Variants in ATP10B observed in about 807,000 individuals in gnomAD.
ATP10B encodes phospholipid-transporting ATPase VB.
Under a neutral mutation model 141.2 loss-of-function variants are expected in ATP10B, and 122 were observed. That is an observed-to-expected ratio of 0.86 (90% CI 0.75 to 1.00). The LOEUF (loss-of-function observed/expected upper bound fraction) is 1.00, where lower values mean the gene tolerates loss of function less well. ATP10B is among the 50% of genes least tolerant of loss of function. ATP10B has a pLI of 0.00. For synonymous variants in ATP10B, 685 were observed against 692.0 expected (o/e 0.99, Z 0.16); for missense variants, 1,876 against 1,825.3 (o/e 1.03, Z -0.51).
chr5:160,887,669 CCTGA>C, the ATP10B span, among the ~76,000 whole-genome samples: 1 of 152,182 alleles, frequency 6.6e-6, no homozygotes, highest in African/African-American at 2.4e-5. Flanking sequence ...ACGTTGACCT[CCTGA>C]CTATTCTTTG....
the ATP10B span, among the ~76,000 whole-genome samples, chr5:160,904,925 ACT>A: frequency 7.2e-5 from 11 of 152,184 alleles, no homozygotes; most frequent in Non-Finnish European, 1.5e-4. Flanking sequence ...ATTGAAACAA[ACT>A]CTAGCTATTT....
intron 24 of ATP10B, among the ~76,000 whole-genome samples, chr5:160,586,316 T>C (rs1291162492): frequency 2.6e-5 from 4 of 152,246 alleles, no homozygotes; most frequent in African/African-American, 9.6e-5. Context: ...CCTCATTCTT[T>C]TTTATGGCTG....
chr5:160,753,081 T>G (rs1370604759), intron 2 of ATP10B, among the ~76,000 whole-genome samples: 1 of 152,126 alleles, frequency 6.6e-6, no homozygotes, highest in Non-Finnish European at 1.5e-5. Context: ...CTGAACCCAT[T>G]AGATTTAGGA....
At position 160,785,658 on chromosome 5, in the gene ATP10B, G is replaced by T. The variant is rs1771085310; in HGVS notation, c.-430C>A. 2 of 1,285,748 alleles carry T rather than the reference G, an allele frequency of 1.6e-6. No individual in the cohort carries two copies. The highest frequency in any genetic ancestry group is 2.5e-5 in the South Asian group (2 of 80,890). 79.6% of individuals were successfully genotyped at this position (1,285,748 alleles called of 1,614,324 possible). A position where few individuals can be genotyped will look rare whatever the true frequency, so the allele number is the denominator to read the frequency against. On this transcript the variant is annotated 5_prime_UTR_variant, in exon 2 of 26. Transcript: ENST00000327245. ...ATCTTTGTGTCCATGTGTAAGAAAT[G>T]GTAGTTTCTCATCTTGGCAGTGGAG...
chr5:160,856,743 A>AT (rs763372642), upstream of ATP10B, among the ~76,000 whole-genome samples: 17 of 149,944 alleles, frequency 1.1e-4, no homozygotes, highest in East Asian at 1.9e-4. Flanking sequence ...TTACTGAGAT[A>AT]TTTTTTATCG....
chr5:160,833,961 G>T lies in ATP10B; in HGVS notation c.-576+17980C>A, dbSNP rs111693639. On this transcript the variant is annotated intron_variant, in intron 1 of 25. Transcript: ENST00000327245. Reference sequence around the variant, plus strand: ...ATAATATATGCCCTGTGGTTTCCTGGCAATTTTTCTACCATACTTGTGGGC... The same window carrying T: ...ATAATATATGCCCTGTGGTTTCCTGTCAATTTTTCTACCATACTTGTGGGC... Among the ~76,000 whole-genome samples the T allele has an allele frequency of 3.7e-3, 561 of 152,168 alleles. 2 individuals are homozygous for T. Among genetic ancestry groups the T allele is most frequent in the African/African-American group, 0.012 (494 of 41,540 alleles).
At chr5:160,806,909 C>A (rs1472433627) in intron 1 of ATP10B, among the ~76,000 whole-genome samples, 1 of 152,160 alleles carries the variant, frequency 6.6e-6, no homozygotes, top group Non-Finnish European at 1.5e-5. Flanking sequence ...TTGTCACCCT[C>A]CAGTTACTGT....
At chr5:160,822,298 A>C (rs1774169242) in intron 1 of ATP10B, among the ~76,000 whole-genome samples, 1 of 152,118 alleles carries the variant, frequency 6.6e-6, no homozygotes, top group Admixed American at 6.6e-5. Flanking sequence ...AAATGCAACT[A>C]AAAAATACAG....
rs1431429209 is a variant in ATP10B, at chr5:160,563,817, T to A, written c.*1636A>T. The stretch of plus-strand genomic sequence containing the variant: ...GACTCAATCCCCTCACTGGAAACAA[T>A]TCACATCATCATCACTTTGCCAGGT... On this transcript the variant is annotated 3_prime_UTR_variant, in exon 26 of 26. Coordinates refer to ENST00000327245, the MANE Select transcript of ATP10B (RefSeq NM_025153.3). The A allele has an allele frequency of 1.3e-5, 2 of 152,162 alleles. No individual in the cohort carries two copies. The highest frequency in any genetic ancestry group is 3.9e-4 in the East Asian group (2 of 5,194). 9.4% of individuals were successfully genotyped at this position (152,162 alleles called of 1,614,324 possible). A position where few individuals can be genotyped will look rare whatever the true frequency, so the allele number is the denominator to read the frequency against.
intron 3 of ATP10B, among the ~76,000 whole-genome samples, chr5:160,701,589 G>A (rs1441638361): frequency 1.3e-5 from 2 of 152,244 alleles, no homozygotes; most frequent in East Asian, 1.9e-4. Context: ...CTGCCTGAGA[G>A]CAGTCACTAC....
At chr5:160,719,520 T>C (rs1024433439) in intron 2 of ATP10B, among the ~76,000 whole-genome samples, 1 of 152,218 alleles carries the variant, frequency 6.6e-6, no homozygotes, top group Non-Finnish European at 1.5e-5. Flanking sequence ...GTGTCCATAG[T>C]AGTGCTTGCT....
chr5:160,765,651 AG>A (rs1299212354), intron 2 of ATP10B, among the ~76,000 whole-genome samples: 4 of 152,186 alleles, frequency 2.6e-5, no homozygotes, highest in South Asian at 2.1e-4. Context: ...TCTTTGGCTT[AG>A]GCAAAAACTT....
At chr5:160,923,299 C>T in the ATP10B span, among the ~76,000 whole-genome samples, 2 of 152,218 alleles carry the variant, frequency 1.3e-5, no homozygotes, top group African/African-American at 4.8e-5. Flanking sequence ...TCCCCCAGTA[C>T]ATGACATTGG....
chr5:160,671,164 CAAAAAA>C (rs1167788105), intron 6 of ATP10B, among the ~76,000 whole-genome samples: 6 of 23,734 alleles, frequency 2.5e-4, no homozygotes, highest in East Asian at 3.3e-3. Flanking sequence ...GACTCTGTCT[CAAAAAA>C]AAAAAAAAAA....
chr5:160,857,164 C>A (rs1581659560), upstream of ATP10B, among the ~76,000 whole-genome samples: 1 of 151,688 alleles, frequency 6.6e-6, no homozygotes, highest in Non-Finnish European at 1.5e-5. Context: ...TTGTAGGATT[C>A]CCCAGTGAAA....
At position 160,581,346 on chromosome 5, in the gene ATP10B, G is replaced by A. The variant is rs1394420418; in HGVS notation, c.3750+8246C>T. ...CTGTGTCCAGAGATTCTGGTACATT[G>A]TGTCTTCGTTCTCACTGGTTTCAAA... On this transcript the variant is annotated intron_variant, in intron 24 of 25. Transcript: ENST00000327245. 3.9e-5 allele frequency among the ~76,000 whole-genome samples: 6 copies of A among 152,280 alleles called. No individual in the cohort carries two copies. In the East Asian group the frequency reaches 9.6e-4, roughly 24 times the overall value.
intron 2 of ATP10B, among the ~76,000 whole-genome samples, chr5:160,722,522 G>T (rs76126975): frequency 6.6e-6 from 1 of 151,988 alleles, no homozygotes; most frequent in African/African-American, 2.4e-5. Flanking sequence ...AGACCAAACA[G>T]CCTTTCTGCT....
the ATP10B span, among the ~76,000 whole-genome samples, chr5:160,857,851 T>C: frequency 6.6e-6 from 1 of 151,950 alleles, no homozygotes; most frequent in Non-Finnish European, 1.5e-5. Flanking sequence ...TGGATTTCAT[T>C]ATGGTCAGAG....
chr5:160,852,900 G>T (rs975998162), upstream of ATP10B, among the ~76,000 whole-genome samples: 3 of 69,292 alleles, frequency 4.3e-5, no homozygotes, highest in South Asian at 4.5e-4. Context: ...TTGATTTTAA[G>T]GGTAGTAAAA....
Sources: allele counts gnomAD v4.1 joint callset (sites outside exome capture counted in the v4.1 genomes callset), GRCh38; gene constraint gnomAD v4.1.1; transcripts MANE v1.5; gene names NCBI Gene and HGNC (gene_info 2026-07-23, HGNC 2026-07-21).